Variants in PTPRM observed in about 807,000 individuals in gnomAD.
PTPRM encodes the protein receptor-type tyrosine-protein phosphatase mu.
In PTPRM, 47 loss-of-function variants were observed where a neutral mutation model predicts 186.7. The observed-to-expected ratio is 0.25, with a 90% CI of 0.20 to 0.32. The LOEUF is 0.32. Ranked by LOEUF, PTPRM falls within the 10% of genes least tolerant of loss-of-function variation. The pLI is 1.00. For missense variants in PTPRM, 1,494 were observed against 1,865.0 expected (o/e 0.80, Z 3.66); for synonymous variants, 668 against 674.9 (o/e 0.99, Z 0.16).
rs547680025 is a variant in PTPRM at position 8,401,599 on chromosome 18, A to G, written c.4345-4510A>G. On this transcript the variant is annotated intron_variant, in intron 32 of 32. Coordinates refer to ENST00000580170, the MANE Select transcript of PTPRM (RefSeq NM_001105244.2). The stretch of plus-strand genomic sequence containing the variant: ...AGCAACCAGGTCAGAGGTGGAGGCT[A>G]TTCTCTTTGAACCTTTGGAGGCCGT... 3.9e-5 allele frequency among the ~76,000 whole-genome samples: 6 copies of G among 152,316 alleles called. No homozygotes were observed. In the South Asian group the frequency reaches 1.2e-3, roughly 32 times the overall value.
In PTPRM at chr18:8,406,272, A is replaced by T; in HGVS notation, c.*110A>T. ...TCTCAATATGCTTATTTTGCTTTGC[A>T]TAATTGGCTCTTTTTAAGAGCCCAA... On this transcript the variant is annotated 3_prime_UTR_variant, in exon 33 of 33. Coordinates refer to ENST00000580170, the MANE Select transcript of PTPRM (RefSeq NM_001105244.2). 1 of 1,081,564 alleles carries T rather than the reference A, an allele frequency of 9.2e-7. No individual in the cohort carries two copies. The highest frequency in any genetic ancestry group is 1.4e-6 in the Non-Finnish European group (1 of 737,098). The allele number at this position is 1,081,564 out of a possible 1,614,324, so 67.0% of individuals were successfully genotyped here.
intron 7 of PTPRM, among the ~76,000 whole-genome samples, chr18:8,052,590 TAACAATCC>T (rs999093562): frequency 6.6e-6 from 1 of 152,186 alleles, no homozygotes; most frequent in African/African-American, 2.4e-5. Context: ...TGAAATCACC[TAACAATCC>T]ATTTCTCAGA....
intron 13 of PTPRM, 35 bp downstream of exon 13, chr18:8,114,862 T>A (rs1341739230): frequency 6.3e-7 from 1 of 1,580,450 alleles, no homozygotes. Context: ...TCCTAATTAA[T>A]GTTCCTTAAA....
chr18:8,183,591 A>G (rs1191850431), intron 14 of PTPRM, among the ~76,000 whole-genome samples: 1 of 152,184 alleles, frequency 6.6e-6, no homozygotes, highest in Non-Finnish European at 1.5e-5. Flanking sequence ...CATCCTCAGC[A>G]GGAATATATG....
chr18:7,683,442 G>A (rs1349898738), intron 1 of PTPRM, among the ~76,000 whole-genome samples: 4 of 152,136 alleles, frequency 2.6e-5, no homozygotes, highest in Non-Finnish European at 5.9e-5. Flanking sequence ...GAAAGCACTG[G>A]GATTATAGGC....
chr18:7,576,921 A>G (rs1301704056), intron 1 of PTPRM, among the ~76,000 whole-genome samples: 1 of 152,260 alleles, frequency 6.6e-6, no homozygotes, highest in Non-Finnish European at 1.5e-5. Flanking sequence ...AAGGTGGTTT[A>G]AAGCATTCCT....
intron 1 of PTPRM, among the ~76,000 whole-genome samples, chr18:7,713,757 C>G (rs2040262657): frequency 6.7e-6 from 1 of 149,288 alleles, no homozygotes; most frequent in African/African-American, 2.5e-5. Context: ...GACTTTAAAC[C>G]AACAAAGATC....
chr18:8,289,547 TATAC>T (rs1262772549), intron 19 of PTPRM, among the ~76,000 whole-genome samples: 1 of 106,726 alleles, frequency 9.4e-6, no homozygotes, highest in Non-Finnish European at 1.8e-5. Flanking sequence ...CATATATATA[TATAC>T]ATATATATAC....
At chr18:8,254,098 C>G (rs1373462392) in intron 19 of PTPRM, among the ~76,000 whole-genome samples, 3 of 152,184 alleles carry the variant, frequency 2.0e-5, no homozygotes, top group Admixed American at 6.5e-5. Context: ...CCAGCAATGT[C>G]ATGTGGTGGA....
chr18:7,586,971 G>A (rs921326059), intron 1 of PTPRM, among the ~76,000 whole-genome samples: 7 of 151,918 alleles, frequency 4.6e-5, no homozygotes, highest in Non-Finnish European at 1.0e-4. Context: ...CCTTAAACTG[G>A]TACTCCCATT....
chr18:8,375,316 C>T (rs2095688023), intron 24 of PTPRM, among the ~76,000 whole-genome samples: 1 of 152,212 alleles, frequency 6.6e-6, no homozygotes, highest in Non-Finnish European at 1.5e-5. Context: ...CTGTTTGCCA[C>T]AAGCAGACTG....
At chr18:7,735,313 G>A (rs1413763637) in intron 1 of PTPRM, among the ~76,000 whole-genome samples, 3 of 152,082 alleles carry the variant, frequency 2.0e-5, no homozygotes, top group East Asian at 1.9e-4. Flanking sequence ...CCAGCTACTC[G>A]GGAGACTGAG....
chr18:7,869,327 C>T (rs8099524), intron 2 of PTPRM, among the ~76,000 whole-genome samples: 2 of 152,188 alleles, frequency 1.3e-5, no homozygotes, highest in Admixed American at 6.5e-5. Flanking sequence ...CCTGGTGGCA[C>T]AGGCACCGGG....
chr18:8,111,269 G>C lies in PTPRM; in HGVS notation c.1857-2217G>C, dbSNP rs555475308. ...TTTAAGTTGAAGTTTTGAAAATCAT[G>C]TCATACAGGAAATGAACTGGAAAAA... On this transcript the variant is annotated intron_variant, in intron 11 of 32. Coordinates refer to ENST00000580170, the MANE Select transcript of PTPRM (RefSeq NM_001105244.2). Among the ~76,000 whole-genome samples the C allele has an allele frequency of 3.9e-4, 59 of 152,132 alleles. 1 individual carries two copies. Among genetic ancestry groups the C allele is most frequent in the Non-Finnish European group, 1.5e-4 (10 of 68,024 alleles).
chr18:7,828,237 TTTTTTA>T (rs1291740238), intron 2 of PTPRM, among the ~76,000 whole-genome samples: 3 of 151,830 alleles, frequency 2.0e-5, no homozygotes, highest in African/African-American at 7.2e-5. Flanking sequence ...TTTTTTTTCT[TTTTTTA>T]TTTTTATTTT....
At chr18:8,030,300 C>T (rs1180677019) in intron 7 of PTPRM, among the ~76,000 whole-genome samples, 1 of 152,160 alleles carries the variant, frequency 6.6e-6, no homozygotes, top group Non-Finnish European at 1.5e-5. Flanking sequence ...AGTTTGAGGT[C>T]TTAAGCTGGG....
rs201218602 is a variant in PTPRM at position 8,069,817 on chromosome 18, C to A, written c.1264C>A (p.Gln422Lys). ...SYNLTVHYCYQVGGQEQVREE... is the reference protein window; with the variant it reads ...SYNLTVHYCYKVGGQEQVREE... ...TAATCTCACTGTCCACTACTGTTAC[C>A]AAGTTGGAGGACAAGAACAAGTGCG... is the stretch of plus-strand genomic sequence containing the variant. Residue 422 changes from glutamine (Q) to lysine (K), a missense_variant, in exon 8 of 33, where the codon CAA becomes AAA. By Grantham distance (53) the Gln-to-Lys change is moderately conservative. Around this residue, in one of 3 missense-constraint regions of PTPRM, gnomAD observed 1,107 missense variants for 1,350.2 expected, o/e 0.82. Transcript: ENST00000580170. The A allele has an allele frequency of 1.1e-5, 18 of 1,613,904 alleles. No individual in the cohort carries two copies. The African/African-American group carries it at 1.7e-4, about 16-fold the overall frequency.
At chr18:8,125,992 TATATATATATATATATATATATATATA>T (rs1406413201) in intron 13 of PTPRM, among the ~76,000 whole-genome samples, 4 of 8,830 alleles carry the variant, frequency 4.5e-4, no homozygotes, top group Non-Finnish European at 1.1e-3. Flanking sequence ...TATATATATA[TATATATATATATATATATATATATATA>T]TATATATATT....
intron 2 of PTPRM, among the ~76,000 whole-genome samples, chr18:7,790,253 T>C (rs2043276083): frequency 1.3e-5 from 2 of 152,214 alleles, no homozygotes; most frequent in Admixed American, 1.3e-4. Context: ...CCCCAGTAGA[T>C]ACGAACAATA....
Sources: gnomAD v4.1 joint callset for allele counts (sites outside exome capture counted in the v4.1 genomes callset) on GRCh38, gnomAD v4.1.1 for gene constraint, gnomAD v4.1.1 regional missense constraint, MANE v1.5 for transcripts, NCBI Gene and HGNC (gene_info 2026-07-23, HGNC 2026-07-21) for gene names.